Variants in C9orf40 observed in about 807,000 individuals in gnomAD.
C9orf40 encodes chromosome 9 open reading frame 40.
A neutral mutation model predicts 7.9 loss-of-function variants in C9orf40; 2 were observed. That is an observed-to-expected ratio of 0.25 (90% CI 0.10 to 0.80). The LOEUF is 0.80. C9orf40 is among the 30% of genes least tolerant of loss of function. The pLI is 0.68. For synonymous variants in C9orf40, 113 were observed against 117.6 expected (o/e 0.96, Z 0.25); for missense variants, 256 against 268.5 (o/e 0.95, Z 0.33).
intron 1 of C9orf40, among the ~76,000 whole-genome samples, chr9:74,951,784 A>C (rs1258771585): frequency 6.6e-6 from 1 of 152,186 alleles, no homozygotes; most frequent in Non-Finnish European, 1.5e-5. Context: ...ATTCTAGACT[A>C]ATCATCGTTA....
chr9:74,949,884 C>T (rs1452733150), intron 1 of C9orf40, among the ~76,000 whole-genome samples: 2 of 152,050 alleles, frequency 1.3e-5, no homozygotes, highest in Admixed American at 6.6e-5. Context: ...CAAAAGAGGG[C>T]CTGACAGTGG....
Position 74,952,088 on chromosome 9 carries a change from T to A in C9orf40, c.426+98A>T, listed in dbSNP as rs560640657. On this transcript the variant is annotated intron_variant, in intron 1 of 1. Coordinates refer to ENST00000376854, the MANE Select transcript of C9orf40 (RefSeq NM_017998.3). The surrounding 1 kb of genome is among the most constrained non-coding windows in gnomAD (Gnocchi z 5.4). Reference sequence around the variant, plus strand: ...CTTCTTTCAACCCCCTCAGGCGTCTTAACCTACACAAGTCATGAGTGGGAA... The same window carrying A: ...CTTCTTTCAACCCCCTCAGGCGTCTAAACCTACACAAGTCATGAGTGGGAA... 1,766 of 458,206 alleles carry A rather than the reference T, an allele frequency of 3.9e-3. 2 individuals carry two copies. The highest frequency in any genetic ancestry group is 7.0e-3 in the Middle Eastern group (11 of 1,562). The allele number at this position is 458,206 out of a possible 1,614,324, so 28.4% of individuals were successfully genotyped here. A position where few individuals can be genotyped will look rare whatever the true frequency, so the allele number is the denominator to read the frequency against.
Position 74,952,838 on chromosome 9 carries a change from G to A in C9orf40, c.-227C>T, listed in dbSNP as rs1041537329. ...GCTCAGCCCTCGCCGCCGCCGAGATGCGGCCCGGACGTTGAGAAGCAACCG... is the reference window on the plus strand; with the variant it reads ...GCTCAGCCCTCGCCGCCGCCGAGATACGGCCCGGACGTTGAGAAGCAACCG... On this transcript the variant is annotated 5_prime_UTR_variant, in exon 1 of 2. Transcript: ENST00000376854. The surrounding 1 kb of genome is among the most constrained non-coding windows in gnomAD (Gnocchi z 5.4). 3.5e-5 allele frequency: 17 copies of A among 489,544 alleles called. No homozygotes were observed. Among genetic ancestry groups the A allele is most frequent in the African/African-American group, 1.8e-4 (9 of 49,006 alleles). 30.3% of individuals were successfully genotyped at this position (489,544 alleles called of 1,614,324 possible). A position where few individuals can be genotyped will look rare whatever the true frequency, so the allele number is the denominator to read the frequency against.
chr9:74,952,066 CT>C lies in C9orf40; in HGVS notation c.426+119del. The C allele has an allele frequency of 2.5e-6, 1 of 403,014 alleles. No homozygotes were observed. Among genetic ancestry groups the C allele is most frequent in the Non-Finnish European group, 4.3e-6 (1 of 232,586 alleles). The allele number at this position is 403,014 out of a possible 1,614,324, so 25.0% of individuals were successfully genotyped here. A position where few individuals can be genotyped will look rare whatever the true frequency, so the allele number is the denominator to read the frequency against. On this transcript the variant is annotated intron_variant, in intron 1 of 1. Coordinates refer to ENST00000376854, the MANE Select transcript of C9orf40 (RefSeq NM_017998.3). The surrounding 1 kb of genome is among the most constrained non-coding windows in gnomAD (Gnocchi z 5.4). ...TCCTCTCCCGGAGCGGTGACCCCTT[CT>C]TTCAACCCCCTCAGGCGTCTTAACC...
In C9orf40 at chr9:74,946,928, A is replaced by G. The variant is rs1191786060; in HGVS notation, c.*1120T>C. ...AAACCAACATTCTGGATGCAGTACAAAAGTTAGTTAACTTAATCACTGATA... is the reference window on the plus strand; with the variant it reads ...AAACCAACATTCTGGATGCAGTACAGAAGTTAGTTAACTTAATCACTGATA... On this transcript the variant is annotated 3_prime_UTR_variant, in exon 2 of 2. Coordinates refer to ENST00000376854, the MANE Select transcript of C9orf40 (RefSeq NM_017998.3). The G allele has an allele frequency of 2.0e-5, 3 of 152,214 alleles. No homozygotes were observed. Among genetic ancestry groups the G allele is most frequent in the African/African-American group, 7.2e-5 (3 of 41,446 alleles). 9.4% of individuals were successfully genotyped at this position (152,214 alleles called of 1,614,324 possible). A position where few individuals can be genotyped will look rare whatever the true frequency, so the allele number is the denominator to read the frequency against.
At position 74,952,634 on chromosome 9, in the gene C9orf40, C is replaced by A; in HGVS notation, c.-23G>T. The stretch of plus-strand genomic sequence containing the variant: ...CATGGGCCCAGAGGCTCGGGCGGAG[C>A]CCGCCAGGCGCGGGAGACCGAGTGC... On this transcript the variant is annotated 5_prime_UTR_variant, in exon 1 of 2. Coordinates refer to ENST00000376854, the MANE Select transcript of C9orf40 (RefSeq NM_017998.3). This position sits in a 1 kb window ranked among gnomAD's most constrained non-coding sequence, Gnocchi z 5.4. The A allele has an allele frequency of 2.0e-6, 3 of 1,526,962 alleles. No individual in the cohort carries two copies. Among genetic ancestry groups the A allele is most frequent in the South Asian group, 1.2e-5 (1 of 82,848 alleles). 94.6% of individuals were successfully genotyped at this position (1,526,962 alleles called of 1,614,324 possible).
chr9:74,949,740 C>T (rs1832277494), intron 1 of C9orf40, among the ~76,000 whole-genome samples: 1 of 151,922 alleles, frequency 6.6e-6, no homozygotes, highest in African/African-American at 2.4e-5. Flanking sequence ...GTATAAAATC[C>T]TTAAAACAAA....
In C9orf40 at chr9:74,948,129, A is replaced by G; in HGVS notation, c.504T>C (p.Ile168=). Reference sequence around the variant, plus strand: ...TCAGGGTGTCTTCACTTAAATCTTCAATGTCTGCCAGATCAATAGGAGGCA... The same window carrying G: ...TCAGGGTGTCTTCACTTAAATCTTCGATGTCTGCCAGATCAATAGGAGGCA... The part of the protein sequence containing the change: ...NPLPPIDLAD[I]EDLSEDTLTE... The change falls in exon 2 of 2, where the codon ATT becomes ATC. Residue 168 remains isoleucine (I), a synonymous_variant. Coordinates refer to ENST00000376854, the MANE Select transcript of C9orf40 (RefSeq NM_017998.3). 1 of 1,613,892 alleles carries G rather than the reference A, an allele frequency of 6.2e-7. No individual in the cohort carries two copies. Among genetic ancestry groups the G allele is most frequent in the Non-Finnish European group, 8.5e-7 (1 of 1,179,824 alleles).
chr9:74,952,588 C>A lies in C9orf40; in HGVS notation c.24G>T (p.Glu8Asp). 1 of 1,572,624 alleles carries A rather than the reference C, an allele frequency of 6.4e-7. No homozygotes were observed. Among genetic ancestry groups the A allele is most frequent in the Admixed American group, 1.8e-5 (1 of 56,608 alleles). The part of the protein sequence containing the change: MAKRRAA[E>D]PVTFHVPWKR... ...TCCAAGGCACGTGGAACGTCACCGGCTCGGCCGCACGCCGCTTGGCCATGG... is the reference window on the plus strand; with the variant it reads ...TCCAAGGCACGTGGAACGTCACCGGATCGGCCGCACGCCGCTTGGCCATGG... The change falls in exon 1 of 2, where the codon GAG (glutamate) becomes GAT (aspartate). Residue 8 changes from glutamate to aspartate, a missense_variant. Glu to Asp is a conservative substitution (Grantham distance 45). Coordinates refer to ENST00000376854, the MANE Select transcript of C9orf40 (RefSeq NM_017998.3). The surrounding 1 kb of genome is among the most constrained non-coding windows in gnomAD (Gnocchi z 5.4).
chr9:74,948,033 C>A lies in C9orf40; in HGVS notation c.*15G>T, dbSNP rs886075914. ...CTCCTCAAATCAGCCAATCCCACTG[C>A]TTCGGCTCCTTACATCAGGACTCCA... is the stretch of plus-strand genomic sequence containing the variant. On this transcript the variant is annotated 3_prime_UTR_variant, in exon 2 of 2. Transcript: ENST00000376854. The A allele has an allele frequency of 2.5e-6, 4 of 1,608,260 alleles. No homozygotes were observed. In the African/African-American group the frequency reaches 4.0e-5, roughly 16 times the overall value.
rs746153168 is a variant in C9orf40, at chr9:74,952,522, T to TGGCGGC, written c.84_89dup (p.Pro31_Pro32dup). On this transcript the variant is annotated inframe_insertion, in exon 1 of 2. Coordinates refer to ENST00000376854, the MANE Select transcript of C9orf40 (RefSeq NM_017998.3). This position sits in a 1 kb window ranked among gnomAD's most constrained non-coding sequence, Gnocchi z 5.4. ...CGGGCGGCCGGATCCAGAGAGGCGG[T>TGGCGGC]GGCGGCGGCTGCTCAGCGAAGTCGC... 2 of 1,589,496 alleles carry TGGCGGC rather than the reference T, an allele frequency of 1.3e-6. No individual in the cohort carries two copies. The highest frequency in any genetic ancestry group is 2.3e-5 in the East Asian group (1 of 44,422).
At chr9:74,948,266 T>C (rs914614218) in intron 1 of C9orf40, 60 bp from the exon 2 acceptor site, 160 of 1,058,818 alleles carry the variant, frequency 1.5e-4, no homozygotes, top group Non-Finnish European at 2.1e-4. Context: ...TAAGTTTTTT[T>C]CAGAAAACAA....
chr9:74,952,769 CGCAGGGCCTAGG>C lies in C9orf40; in HGVS notation c.-170_-159del, dbSNP rs1832323033. The C allele has an allele frequency of 3.1e-6, 2 of 636,004 alleles. No homozygotes were observed. The allele number at this position is 636,004 out of a possible 1,614,324, so 39.4% of individuals were successfully genotyped here. ...GGAGGGGGTAGGGCGGGGCAGCTCGCGCAGGGCCTAGGGCTGGGGCTCCGGCTCGGAGGCAGC... is the reference window on the plus strand; with the variant it reads ...GGAGGGGGTAGGGCGGGGCAGCTCGCGCTGGGGCTCCGGCTCGGAGGCAGC... On this transcript the variant is annotated 5_prime_UTR_variant, in exon 1 of 2. Coordinates refer to ENST00000376854, the MANE Select transcript of C9orf40 (RefSeq NM_017998.3). The surrounding 1 kb of genome is among the most constrained non-coding windows in gnomAD (Gnocchi z 5.4).
At position 74,952,199 on chromosome 9, in the gene C9orf40, A is replaced by AC. The variant is rs1184201262; in HGVS notation, c.412dup (p.Val138GlyfsTer8). The AC allele has an allele frequency of 2.4e-5, 8 of 339,476 alleles. No individual in the cohort carries two copies. Among genetic ancestry groups the AC allele is most frequent in the East Asian group, 3.2e-4 (2 of 6,250 alleles). The allele number at this position is 339,476 out of a possible 1,614,324, so 21.0% of individuals were successfully genotyped here. On this transcript the variant is annotated frameshift_variant, in exon 1 of 2. Transcript: ENST00000376854. LOFTEE classifies it high-confidence loss of function. The surrounding 1 kb of genome is among the most constrained non-coding windows in gnomAD (Gnocchi z 5.4). ...CCCAGCCCCTACCTGGCGCGATGCG[A>AC]CCCCCCAGTCTCCCCGCGGGGGTCC...
chr9:74,946,621 G>A lies in C9orf40; in HGVS notation c.*1427C>T, dbSNP rs1832243726. On this transcript the variant is annotated 3_prime_UTR_variant, in exon 2 of 2. Transcript: ENST00000376854. Reference sequence around the variant, plus strand: ...ATTTATTATTTCTCATTTTACAGGTGAGAAATTTGAGGCTTGGAGATGAAA... The same window carrying A: ...ATTTATTATTTCTCATTTTACAGGTAAGAAATTTGAGGCTTGGAGATGAAA... 6.6e-6 allele frequency: 1 copy of A among 152,092 alleles called. No individual in the cohort carries two copies. Among genetic ancestry groups the A allele is most frequent in the Admixed American group, 6.6e-5 (1 of 15,266 alleles). The allele number at this position is 152,092 out of a possible 1,614,324, so 9.4% of individuals were successfully genotyped here.
In C9orf40 at chr9:74,952,125, T is replaced by G. The variant is rs946450110; in HGVS notation, c.426+61A>C. The stretch of plus-strand genomic sequence containing the variant: ...GTCATGAGTGGGAACCGGGGCGTTT[T>G]GTGTGTGTGGGGAAAAGGCAAGCCC... On this transcript the variant is annotated intron_variant, in intron 1 of 1. Coordinates refer to ENST00000376854, the MANE Select transcript of C9orf40 (RefSeq NM_017998.3). This position sits in a 1 kb window ranked among gnomAD's most constrained non-coding sequence, Gnocchi z 5.4. 1 of 596,256 alleles carries G rather than the reference T, an allele frequency of 1.7e-6. No homozygotes were observed. Among genetic ancestry groups the G allele is most frequent in the East Asian group, 3.5e-5 (1 of 28,840 alleles). The allele number at this position is 596,256 out of a possible 1,614,324, so 36.9% of individuals were successfully genotyped here. A position where few individuals can be genotyped will look rare whatever the true frequency, so the allele number is the denominator to read the frequency against.
In C9orf40 at chr9:74,946,902, A is replaced by C. The variant is rs1269846879; in HGVS notation, c.*1146T>G. 6.6e-6 allele frequency: 1 copy of C among 152,246 alleles called. No individual in the cohort carries two copies. Among genetic ancestry groups the C allele is most frequent in the African/African-American group, 2.4e-5 (1 of 41,472 alleles). The allele number at this position is 152,246 out of a possible 1,614,324, so 9.4% of individuals were successfully genotyped here. A position where few individuals can be genotyped will look rare whatever the true frequency, so the allele number is the denominator to read the frequency against. ...AAGCAAGAACCAGTTACTCAATTGC[A>C]AAACCAACATTCTGGATGCAGTACA... is the stretch of plus-strand genomic sequence containing the variant. On this transcript the variant is annotated 3_prime_UTR_variant, in exon 2 of 2. Transcript: ENST00000376854.
At position 74,952,271 on chromosome 9, in the gene C9orf40, C is replaced by T; in HGVS notation, c.341G>A (p.Gly114Asp). The T allele has an allele frequency of 7.8e-7, 1 of 1,278,188 alleles. No homozygotes were observed. The highest frequency in any genetic ancestry group is 9.8e-7 in the Non-Finnish European group (1 of 1,017,046). 79.2% of individuals were successfully genotyped at this position (1,278,188 alleles called of 1,614,324 possible). ...GCCACCGCCCCCCGGGAGCCGGGCG[C>T]CCGGGAGCTCCTCCCCCGGCCCCGG... ...VLPGPGEELP[G>D]ARLPGGGGDD... Residue 114 changes from glycine (G) to aspartate (D), a missense_variant, in exon 1 of 2, where the codon GGC becomes GAC. Physicochemically the swap from Gly to Asp is moderately conservative, Grantham distance 94. Coordinates refer to ENST00000376854, the MANE Select transcript of C9orf40 (RefSeq NM_017998.3). This position sits in a 1 kb window ranked among gnomAD's most constrained non-coding sequence, Gnocchi z 5.4.
intron 1 of C9orf40, among the ~76,000 whole-genome samples, chr9:74,950,136 G>C (rs1165989169): frequency 1.3e-5 from 2 of 152,198 alleles, no homozygotes; most frequent in Non-Finnish European, 2.9e-5. Flanking sequence ...AAACAACAAA[G>C]AGAACAAGGG....
Sources: gnomAD v4.1 joint callset for allele counts (sites outside exome capture counted in the v4.1 genomes callset) on GRCh38, gnomAD v4.1.1 for gene constraint, Gnocchi (gnomAD v3.1) non-coding constraint, MANE v1.5 for transcripts, NCBI Gene and HGNC (gene_info 2026-07-23, HGNC 2026-07-21) for gene names.